SBF2: variants seen among roughly 807,000 people sequenced by gnomAD.
SBF2 encodes the protein SET binding factor 2.
A neutral mutation model predicts 225.2 loss-of-function variants in SBF2; 112 were observed. The observed-to-expected ratio is 0.50, with a 90% CI of 0.43 to 0.58. The LOEUF (loss-of-function observed/expected upper bound fraction) is 0.58, where lower values mean the gene tolerates loss of function less well. Ranked by LOEUF, SBF2 falls within the 20% of genes least tolerant of loss-of-function variation. The pLI, the probability that SBF2 is intolerant of heterozygous loss-of-function variation, is 0.00. For missense variants in SBF2, 1,996 were observed against 2,206.2 expected (o/e 0.90, Z 1.91); for synonymous variants, 763 against 773.3 (o/e 0.99, Z 0.22).
intron 2 of SBF2, among the ~76,000 whole-genome samples, chr11:10,143,736 T>TA (rs1414981314): frequency 2.0e-5 from 3 of 151,930 alleles, no homozygotes; most frequent in Non-Finnish European, 4.4e-5. Flanking sequence ...TTTTTTTTTT[T>TA]AGACGAAGTC....
In SBF2 at chr11:9,929,354, T is replaced by C. The variant is rs1048589415; in HGVS notation, c.1860+32603A>G. 4.4e-5 allele frequency: 8 copies of C among 182,272 alleles called. 1 individual carries two copies. Among genetic ancestry groups the C allele is most frequent in the Admixed American group, 2.3e-4 (4 of 17,108 alleles). 11.3% of individuals were successfully genotyped at this position (182,272 alleles called of 1,614,324 possible). A position where few individuals can be genotyped will look rare whatever the true frequency, so the allele number is the denominator to read the frequency against. On this transcript the variant is annotated intron_variant, in intron 16 of 39. Coordinates refer to ENST00000256190, the MANE Select transcript of SBF2 (RefSeq NM_030962.4). ...AAGGAAACATTTCTCAATTGGATTGTGATGTGCCACAAAAAGTGGATTTTA... is the reference window on the plus strand; with the variant it reads ...AAGGAAACATTTCTCAATTGGATTGCGATGTGCCACAAAAAGTGGATTTTA...
At chr11:9,802,649 G>T (rs1341126418) in intron 32 of SBF2, among the ~76,000 whole-genome samples, 1 of 152,160 alleles carries the variant, frequency 6.6e-6, no homozygotes, top group African/African-American at 2.4e-5. Flanking sequence ...GAATTATCTG[G>T]TAAAAGCCAG....
At chr11:10,289,970 A>T (rs1394108346) in intron 1 of SBF2, among the ~76,000 whole-genome samples, 1 of 152,004 alleles carries the variant, frequency 6.6e-6, no homozygotes, top group Non-Finnish European at 1.5e-5. Flanking sequence ...GGCACAGGGG[A>T]CCCACCAGCA....
chr11:10,304,099 G>A (rs1964625908), intron 1 of SBF2, among the ~76,000 whole-genome samples: 1 of 152,160 alleles, frequency 6.6e-6, no homozygotes, highest in African/African-American at 2.4e-5. Context: ...CTCTGAGCTT[G>A]AATTTTCTAC....
chr11:9,865,351 A>G (rs1564930906), intron 17 of SBF2, among the ~76,000 whole-genome samples: 1 of 152,114 alleles, frequency 6.6e-6, no homozygotes, highest in Non-Finnish European at 1.5e-5. Context: ...CCTCACAACA[A>G]TCTTATGACC....
chr11:10,294,784 G>A (rs988414438), upstream of SBF2, among the ~76,000 whole-genome samples: 1 of 152,218 alleles, frequency 6.6e-6, no homozygotes, highest in African/African-American at 2.4e-5. Flanking sequence ...GGCTTCCCCC[G>A]GAGCGCCCGG....
chr11:10,021,335 C>T (rs1006688815), intron 6 of SBF2, among the ~76,000 whole-genome samples: 6 of 152,206 alleles, frequency 3.9e-5, no homozygotes, highest in Middle Eastern at 6.8e-3. Context: ...TCTATAAAAA[C>T]CAGTTCCTGT....
chr11:10,293,931 C>CCCCGACGCCCGGCCCCGACGCCCGGG, intron 1 of SBF2, 84 bp downstream of exon 1: 1 of 1,083,102 alleles, frequency 9.2e-7, no homozygotes, highest in Non-Finnish European at 1.2e-6. Context: ...CGACGCCCGT[C>CCCCGACGCCCGGCCCCGACGCCCGGG]CCCGACGCCC....
At chr11:9,976,065 TCTTC>T (rs924798863) in intron 13 of SBF2, among the ~76,000 whole-genome samples, 11 of 146,726 alleles carry the variant, frequency 7.5e-5, no homozygotes, top group African/African-American at 2.8e-4. Context: ...TTCTTCTTCT[TCTTC>T]TTCTTTTTTT....
chr11:10,249,388 C>T (rs192172369), intron 1 of SBF2, among the ~76,000 whole-genome samples: 21 of 151,898 alleles, frequency 1.4e-4, no homozygotes, highest in African/African-American at 4.3e-4. Context: ...ATGGCTTTCT[C>T]GAACAAGATT....
chr11:10,090,186 G>T (rs529943110), intron 2 of SBF2, among the ~76,000 whole-genome samples: 4 of 152,094 alleles, frequency 2.6e-5, no homozygotes, highest in Non-Finnish European at 5.9e-5. Flanking sequence ...GAATGATGAG[G>T]GAAATGGGGT....
At chr11:9,868,721 T>C (rs953070100) in intron 17 of SBF2, among the ~76,000 whole-genome samples, 1 of 152,318 alleles carries the variant, frequency 6.6e-6, no homozygotes, top group African/African-American at 2.4e-5. Context: ...GGATCATTTG[T>C]CCTAGAAAGT....
intron 22 of SBF2, 112 bp from the exon 23 acceptor site, chr11:9,847,195 T>C: frequency 3.1e-6 from 4 of 1,302,754 alleles, no homozygotes; most frequent in South Asian, 1.2e-5. Flanking sequence ...AAGAGGACAC[T>C]GCCCAGGGAT....
intron 16 of SBF2, among the ~76,000 whole-genome samples, chr11:9,951,833 G>C (rs1210668674): frequency 1.3e-5 from 2 of 152,194 alleles, no homozygotes; most frequent in Non-Finnish European, 2.9e-5. Context: ...AACAATGGTG[G>C]GGAGCAGCAA....
chr11:10,257,694 A>G (rs117793618), intron 1 of SBF2, among the ~76,000 whole-genome samples: 5,761 of 142,460 alleles, frequency 0.04, 250 homozygotes, highest in Middle Eastern at 0.12. Flanking sequence ...AAAAAAAGAA[A>G]TGCTGTACTA....
intron 16 of SBF2, among the ~76,000 whole-genome samples, chr11:9,901,410 C>A (rs1321910272): frequency 6.6e-6 from 1 of 152,128 alleles, no homozygotes; most frequent in Non-Finnish European, 1.5e-5. Context: ...AATGAATAGA[C>A]CCCTGGCCAA....
intron 1 of SBF2, among the ~76,000 whole-genome samples, chr11:10,254,105 CA>C (rs1960627009): frequency 6.6e-6 from 1 of 152,136 alleles, no homozygotes; most frequent in Non-Finnish European, 1.5e-5. Context: ...TAAAAATACT[CA>C]GGTATGGTGG....
chr11:10,255,353 T>G (rs12292901), intron 1 of SBF2, among the ~76,000 whole-genome samples: 3,278 of 152,322 alleles, frequency 0.022, 91 homozygotes, highest in African/African-American at 0.065. Context: ...CACACATAAA[T>G]TTTATTTGTC....
At chr11:9,850,301 C>T in intron 21 of SBF2, 83 bp from the exon 22 acceptor site, 1 of 1,298,864 alleles carries the variant, frequency 7.7e-7, no homozygotes, top group East Asian at 2.3e-5. Context: ...TGTTGCCCAG[C>T]CTAGAATACA....
Sources: allele counts gnomAD v4.1 joint callset (sites outside exome capture counted in the v4.1 genomes callset), GRCh38; gene constraint gnomAD v4.1.1; transcripts MANE v1.5; gene names NCBI Gene and HGNC (gene_info 2026-07-23, HGNC 2026-07-21).